C10orf67: variants seen among roughly 807,000 people sequenced by gnomAD.
C10orf67 encodes uncharacterized protein C10orf67, mitochondrial.
In C10orf67, 60 loss-of-function variants were observed where a neutral mutation model predicts 35.6. The observed-to-expected ratio is 1.68, with a 90% CI of 1.37 to 2.09. The LOEUF is 2.09. Among genes scored for constraint, C10orf67 ranks in the 30% most tolerant of loss-of-function variants. C10orf67 has a pLI of 0.00. For missense variants in C10orf67, 474 were observed against 330.2 expected, an observed-to-expected ratio of 1.44 and a Z score of -3.38; for synonymous variants, 167 against 115.8, an observed-to-expected ratio of 1.44 and a Z score of -2.84.
At chr10:23,228,444 TG>T (rs1371564419) in intron 13 of C10orf67, among the ~76,000 whole-genome samples, 1 of 152,166 alleles carries the variant, frequency 6.6e-6, no homozygotes, top group Non-Finnish European at 1.5e-5. Flanking sequence ...TAATTCAAGA[TG>T]GATTAAAGAT....
At chr10:23,239,579 C>G in intron 13 of C10orf67, 150 bp downstream of exon 13, 1 of 455,060 alleles carries the variant, frequency 2.2e-6, no homozygotes, top group Non-Finnish European at 4.1e-6. Context: ...GGCACTTTGT[C>G]TTAACACCCT....
At chr10:23,272,065 T>C (rs932936093) in intron 8 of C10orf67, among the ~76,000 whole-genome samples, 3 of 152,136 alleles carry the variant, frequency 2.0e-5, no homozygotes, top group Non-Finnish European at 4.4e-5. Flanking sequence ...TACAGGTGCA[T>C]GCCAACATGA....
intron 13 of C10orf67, among the ~76,000 whole-genome samples, chr10:23,235,000 G>A (rs1314328432): frequency 9.1e-5 from 6 of 65,680 alleles, no homozygotes; most frequent in South Asian, 5.0e-4. Flanking sequence ...GAACAAGAGC[G>A]AAATTCCATC....
At chr10:23,331,202 A>C (rs1388771598) in intron 2 of C10orf67, among the ~76,000 whole-genome samples, 2,429 of 24,306 alleles carry the variant, frequency 0.1, 82 homozygotes, top group East Asian at 0.32. Flanking sequence ...AGGGAAGGGA[A>C]GGGAAGAGGG....
intron 13 of C10orf67, among the ~76,000 whole-genome samples, chr10:23,232,726 GA>G (rs757245264): frequency 2.0e-5 from 3 of 152,064 alleles, no homozygotes; most frequent in African/African-American, 7.2e-5. Context: ...AAATGTCAAG[GA>G]AAAGAACAAA....
At chr10:23,245,376 C>T (rs1294320804) in intron 12 of C10orf67, among the ~76,000 whole-genome samples, 1 of 152,120 alleles carries the variant, frequency 6.6e-6, no homozygotes. Flanking sequence ...TTATTTCAAA[C>T]TATAAAGCTT....
At chr10:23,306,373 A>C (rs940801177) in intron 4 of C10orf67, among the ~76,000 whole-genome samples, 3 of 151,896 alleles carry the variant, frequency 2.0e-5, no homozygotes, top group African/African-American at 7.3e-5. Flanking sequence ...AAATGCAAAA[A>C]ATTAGCTGGG....
At chr10:23,316,199 A>G (rs1844704529) in intron 4 of C10orf67, among the ~76,000 whole-genome samples, 3 of 152,234 alleles carry the variant, frequency 2.0e-5, no homozygotes. Flanking sequence ...CAGCCACTAC[A>G]CACAGCTAGG....
intron 1 of C10orf67, among the ~76,000 whole-genome samples, chr10:23,335,927 A>C (rs1339325174): frequency 6.6e-6 from 1 of 152,132 alleles, no homozygotes; most frequent in Non-Finnish European, 1.5e-5. Context: ...TCAAAATCAT[A>C]TGTAACCACT....
chr10:23,205,014 T>C (rs777981089), intron 15 of C10orf67, among the ~76,000 whole-genome samples: 20 of 152,206 alleles, frequency 1.3e-4, no homozygotes, highest in Admixed American at 2.0e-4. Flanking sequence ...TGGACACTTA[T>C]AGCCGGGGCA....
chr10:23,256,199 G>A (rs761999648), intron 10 of C10orf67, among the ~76,000 whole-genome samples: 2 of 151,950 alleles, frequency 1.3e-5, no homozygotes, highest in African/African-American at 2.4e-5. Flanking sequence ...AAGAAGTCTT[G>A]CTATGTTCCC....
chr10:23,207,826 CCTGAATAG>C (rs1357845446), intron 15 of C10orf67, among the ~76,000 whole-genome samples: 3 of 152,122 alleles, frequency 2.0e-5, no homozygotes, highest in African/African-American at 7.2e-5. Context: ...CTTTTCTGGA[CCTGAATAG>C]AGATCATTGG....
intron 7 of C10orf67, among the ~76,000 whole-genome samples, chr10:23,287,132 T>A (rs549084126): frequency 2.7e-4 from 41 of 152,290 alleles, no homozygotes; most frequent in Middle Eastern, 3.4e-3. Context: ...CTATTTTAAA[T>A]TTCATATGGA....
intron 13 of C10orf67, among the ~76,000 whole-genome samples, chr10:23,238,529 G>A (rs774954263): frequency 4.6e-5 from 7 of 152,134 alleles, no homozygotes; most frequent in African/African-American, 1.4e-4. Flanking sequence ...GAAAAATACT[G>A]GATCTACTCC....
intron 5 of C10orf67, among the ~76,000 whole-genome samples, chr10:23,298,246 C>T (rs1336395467): frequency 1.3e-5 from 2 of 152,108 alleles, no homozygotes; most frequent in African/African-American, 4.8e-5. Context: ...CAGAGTGAGA[C>T]TCTGTCTCAA....
chr10:23,273,116 T>G (rs548261125), intron 8 of C10orf67, among the ~76,000 whole-genome samples: 20 of 152,356 alleles, frequency 1.3e-4, no homozygotes, highest in Non-Finnish European at 2.9e-4. Context: ...GATGATCATG[T>G]CGTCTGGGAA....
intron 7 of C10orf67, among the ~76,000 whole-genome samples, chr10:23,282,487 G>T (rs1002421051): frequency 2.0e-5 from 3 of 152,184 alleles, no homozygotes; most frequent in Non-Finnish European, 4.4e-5. Context: ...ACTGGGCTGG[G>T]TGCAGTGGCT....
chr10:23,257,892 G>T (rs765675689), intron 10 of C10orf67, among the ~76,000 whole-genome samples: 1 of 151,844 alleles, frequency 6.6e-6, no homozygotes, highest in Non-Finnish European at 1.5e-5. Flanking sequence ...GGCCCAACCT[G>T]TCACAGTAGT....
chr10:23,315,690 C>A (rs992327190), intron 4 of C10orf67, among the ~76,000 whole-genome samples: 7 of 152,186 alleles, frequency 4.6e-5, no homozygotes, highest in Non-Finnish European at 1.0e-4. Flanking sequence ...ATCTGCCTGC[C>A]TCGGCCCCCC....
Sources: gnomAD v4.1 joint callset for allele counts (sites outside exome capture counted in the v4.1 genomes callset) on GRCh38, gnomAD v4.1.1 for gene constraint, MANE v1.5 for transcripts, NCBI Gene and HGNC (gene_info 2026-07-23, HGNC 2026-07-21) for gene names.